The following CYP46A1 variants were observed in gnomAD, a reference collection of about 807,000 sequenced individuals.
CYP46A1 encodes cholesterol 24-hydroxylase.
CYP46A1 carries 20 observed loss-of-function variants against 63.3 expected under a neutral mutation model. The ratio of observed to expected loss-of-function variants is 0.32; its 90% CI spans 0.22 to 0.46. CYP46A1 has a LOEUF of 0.46. CYP46A1 is among the 20% of genes least tolerant of loss of function. The pLI, the probability that CYP46A1 is intolerant of heterozygous loss-of-function variation, is 1.00. For missense variants in CYP46A1, 445 were observed against 670.8 expected (o/e 0.66, Z 3.72); for synonymous variants, 268 against 273.6 (o/e 0.98, Z 0.20).
intron 3 of CYP46A1, among the ~76,000 whole-genome samples, chr14:99,695,817 G>C (rs2056583143): frequency 6.6e-6 from 1 of 151,954 alleles, no homozygotes; most frequent in Non-Finnish European, 1.5e-5. Flanking sequence ...TTTTAGTAGA[G>C]ATGGAGTTTC....
chr14:99,696,044 A>C (rs2056584925), intron 3 of CYP46A1, among the ~76,000 whole-genome samples: 1 of 152,164 alleles, frequency 6.6e-6, no homozygotes, highest in Non-Finnish European at 1.5e-5. Context: ...GATAGCACAC[A>C]GTTGATTCTT....
intron 5 of CYP46A1, among the ~76,000 whole-genome samples, chr14:99,702,798 A>G (rs1210314204): frequency 6.6e-6 from 1 of 152,204 alleles, no homozygotes; most frequent in African/African-American, 2.4e-5. Flanking sequence ...AATGACTACA[A>G]ACTATAGTTT....
chr14:99,700,643 C>T (rs140552196), intron 5 of CYP46A1, among the ~76,000 whole-genome samples: 171 of 152,308 alleles, frequency 1.1e-3, no homozygotes, highest in African/African-American at 4.0e-3. Flanking sequence ...AAACCTGCTG[C>T]ACTGCCAGTC....
chr14:99,716,267 A>G, intron 9 of CYP46A1, 68 bp downstream of exon 9: 1 of 1,554,564 alleles, frequency 6.4e-7, no homozygotes, highest in Non-Finnish European at 8.9e-7. Flanking sequence ...TGGATCCCTC[A>G]AACCCAACTC....
rs577582267 is a variant in CYP46A1, at chr14:99,722,171, C to T, written c.1176+105C>T. The T allele has an allele frequency of 2.6e-6, 2 of 759,548 alleles. No individual in the cohort carries two copies. Among genetic ancestry groups the T allele is most frequent in the South Asian group, 3.4e-5 (2 of 59,464 alleles). The allele number at this position is 759,548 out of a possible 1,614,324, so 47.1% of individuals were successfully genotyped here. A position where few individuals can be genotyped will look rare whatever the true frequency, so the allele number is the denominator to read the frequency against. ...GCCTGTGGCCCTGTTCCCATCATTG[C>T]AACGGGCCTCACTGGCTGCCCTGGT... On this transcript the variant is annotated intron_variant, in intron 12 of 14. Coordinates refer to ENST00000261835, the MANE Select transcript of CYP46A1 (RefSeq NM_006668.2). This position sits in a 1 kb window ranked among gnomAD's most constrained non-coding sequence, Gnocchi z 4.6.
At chr14:99,695,158 C>T (rs138401188) in intron 3 of CYP46A1, among the ~76,000 whole-genome samples, 1 of 152,302 alleles carries the variant, frequency 6.6e-6, no homozygotes, top group East Asian at 1.9e-4. Context: ...GAATACTCAT[C>T]ATCATGATTT....
intron 5 of CYP46A1, 39 bp from the exon 6 acceptor site, chr14:99,706,608 G>C (rs770494713): frequency 1.2e-6 from 2 of 1,609,822 alleles, no homozygotes; most frequent in Non-Finnish European, 1.7e-6. Context: ...ACCATATTGG[G>C]CTGGCCAGTG....
At chr14:99,704,997 A>G (rs960152432) in intron 5 of CYP46A1, among the ~76,000 whole-genome samples, 1 of 152,212 alleles carries the variant, frequency 6.6e-6, no homozygotes, top group Non-Finnish European at 1.5e-5. Flanking sequence ...GCAATGTTAT[A>G]GGTGGAGGTC....
intron 2 of CYP46A1, 147 bp from the exon 3 acceptor site, chr14:99,691,633 G>T (rs2056544126): frequency 2.7e-5 from 19 of 706,700 alleles, no homozygotes; most frequent in Non-Finnish European, 4.2e-5. Context: ...TGCCCCCAGG[G>T]CTCCTGGGCC....
intron 7 of CYP46A1, chr14:99,710,113 C>CT (rs1232574091): frequency 6.6e-6 from 1 of 152,112 alleles, no homozygotes; most frequent in Non-Finnish European, 1.5e-5. Flanking sequence ...AGGACAATCT[C>CT]TATCATCATG....
Position 99,725,732 on chromosome 14 carries a change from G to A in CYP46A1, c.1265+253G>A, listed in dbSNP as rs1566838122. Among the ~76,000 whole-genome samples the A allele has an allele frequency of 1.3e-5, 2 of 152,224 alleles. No individual in the cohort carries two copies. Among genetic ancestry groups the A allele is most frequent in the African/African-American group, 2.4e-5 (1 of 41,462 alleles). On this transcript the variant is annotated intron_variant, in intron 13 of 14. Coordinates refer to ENST00000261835, the MANE Select transcript of CYP46A1 (RefSeq NM_006668.2). This position sits in a 1 kb window ranked among gnomAD's most constrained non-coding sequence, Gnocchi z 4.2. ...AGCACCAAATACTGGGAAGCTGGGTGACTTCACCTCCCCAAGCCTTGAGGT... is the reference window on the plus strand; with the variant it reads ...AGCACCAAATACTGGGAAGCTGGGTAACTTCACCTCCCCAAGCCTTGAGGT...
chr14:99,698,411 A>T (rs1285737055), intron 3 of CYP46A1, among the ~76,000 whole-genome samples: 2 of 152,124 alleles, frequency 1.3e-5, no homozygotes, highest in Non-Finnish European at 2.9e-5. Context: ...TTTCAACCTC[A>T]GTTTCTCCAT....
chr14:99,711,131 C>G (rs1443359732), intron 7 of CYP46A1: 1 of 151,982 alleles, frequency 6.6e-6, no homozygotes, highest in Non-Finnish European at 1.5e-5. Flanking sequence ...ACACAACATA[C>G]CAAAACCTGT....
At position 99,684,553 on chromosome 14, in the gene CYP46A1, G is replaced by C. The variant is rs1031916708; in HGVS notation, c.119+17G>C. Reference sequence around the variant, plus strand: ...GCGGCCCAGGTGAGCGGGGCTGGGGGCGGGGCCTGGCTGGGGTGCTGGGAC... The same window carrying C: ...GCGGCCCAGGTGAGCGGGGCTGGGGCCGGGGCCTGGCTGGGGTGCTGGGAC... On this transcript the variant is annotated intron_variant, in intron 1 of 14. Transcript: ENST00000261835. The C allele has an allele frequency of 2.6e-5, 37 of 1,443,292 alleles. No homozygotes were observed. In the African/African-American group the frequency reaches 5.2e-4, roughly 20 times the overall value. 89.4% of individuals were successfully genotyped at this position (1,443,292 alleles called of 1,614,324 possible).
At chr14:99,726,444 A>T in intron 14 of CYP46A1, 113 bp from the exon 15 acceptor site, 1 of 1,207,624 alleles carries the variant, frequency 8.3e-7, no homozygotes, top group Non-Finnish European at 1.1e-6. Flanking sequence ...GAGGCTCCCC[A>T]GGCTCTCACA....
chr14:99,710,660 G>A (rs566883359), intron 7 of CYP46A1: 1 of 152,172 alleles, frequency 6.6e-6, no homozygotes, highest in South Asian at 2.1e-4. Flanking sequence ...CAATACCAGA[G>A]CACCCAGAGA....
At chr14:99,688,666 T>C (rs1452750037) in intron 1 of CYP46A1, among the ~76,000 whole-genome samples, 1 of 152,124 alleles carries the variant, frequency 6.6e-6, no homozygotes, top group Admixed American at 6.5e-5. Context: ...ACAAAACCTT[T>C]CCCTTCACCC....
At chr14:99,693,833 T>C (rs2056563424) in intron 3 of CYP46A1, among the ~76,000 whole-genome samples, 1 of 152,252 alleles carries the variant, frequency 6.6e-6, no homozygotes, top group Admixed American at 6.5e-5. Flanking sequence ...TATGATAAAA[T>C]GCACATAACA....
At position 99,721,251 on chromosome 14, in the gene CYP46A1, G is replaced by A. The variant is rs1448225826; in HGVS notation, c.993G>A (p.Glu331=). 3 of 1,613,992 alleles carry A rather than the reference G, an allele frequency of 1.9e-6. No individual in the cohort carries two copies. The South Asian group carries it at 3.3e-5, about 18-fold the overall frequency. ...QPEIVARLQA[E]VDEVIGSKRY... is the part of the protein sequence containing the mutation. ...TCTTACCCCACAGGCTGCAGGCCGAGGTGGATGAGGTCATTGGTTCTAAGA... is the reference window on the plus strand; with the variant it reads ...TCTTACCCCACAGGCTGCAGGCCGAAGTGGATGAGGTCATTGGTTCTAAGA... The change falls in exon 11 of 15, where the codon GAG becomes GAA. Residue 331 remains glutamate (E), a synonymous_variant. Coordinates refer to ENST00000261835, the MANE Select transcript of CYP46A1 (RefSeq NM_006668.2).
Sources: allele counts gnomAD v4.1 joint callset (sites outside exome capture counted in the v4.1 genomes callset), GRCh38; gene constraint gnomAD v4.1.1; non-coding constraint Gnocchi (gnomAD v3.1); transcripts MANE v1.5; gene names NCBI Gene and HGNC (gene_info 2026-07-23, HGNC 2026-07-21).